ATG16L2: variants seen among roughly 807,000 people sequenced by gnomAD.
ATG16L2 encodes the protein autophagy related 16 like 2.
In ATG16L2, 77 loss-of-function variants were observed where a neutral mutation model predicts 84.7. That is an observed-to-expected ratio of 0.91 (90% CI 0.76 to 1.10). The LOEUF (loss-of-function observed/expected upper bound fraction) is 1.10, where lower values mean the gene tolerates loss of function less well. Ranked by LOEUF, ATG16L2 falls within the 50% of genes least tolerant of loss-of-function variation. ATG16L2 has a pLI of 0.00. For synonymous variants in ATG16L2, 361 were observed against 342.8 expected, an observed-to-expected ratio of 1.05 and a Z score of -0.59; for missense variants, 782 against 817.6, an observed-to-expected ratio of 0.96 and a Z score of 0.53.
chr11:72,814,490 A>G lies in ATG16L2; in HGVS notation c.45A>G (p.Lys15=). The part of the protein sequence containing the change: ...GVPGAPAARW[K]RHIVRQLRLR... The stretch of plus-strand genomic sequence containing the variant: ...CCGGTGCCCCCGCAGCGCGCTGGAA[A>G]CGCCACATCGTGCGGCAGCTGCGGC... Residue 15 remains lysine, a synonymous_variant, in exon 1 of 18, where the codon AAA becomes AAG. Transcript: ENST00000321297. 6.5e-7 allele frequency: 1 copy of G among 1,536,036 alleles called. No homozygotes were observed. Among genetic ancestry groups the G allele is most frequent in the Non-Finnish European group, 8.8e-7 (1 of 1,138,794 alleles).
intron 5 of ATG16L2, among the ~76,000 whole-genome samples, chr11:72,839,338 T>C (rs574642742): frequency 5.9e-5 from 9 of 152,326 alleles, no homozygotes; most frequent in Admixed American, 5.2e-4. Flanking sequence ...CTTTATTCTG[T>C]AGGCAAAAGA....
intron 15 of ATG16L2, 29 bp from the exon 16 acceptor site, chr11:72,828,700 G>A (rs755347275): frequency 6.9e-5 from 112 of 1,613,800 alleles, no homozygotes; most frequent in Non-Finnish European, 7.7e-5. Flanking sequence ...GATGACCTCT[G>A]TTCTGACCCC....
intron 3 of ATG16L2, chr11:72,820,262 T>G (rs1419501122): frequency 6.6e-6 from 1 of 152,200 alleles, no homozygotes; most frequent in Non-Finnish European, 1.5e-5. Context: ...ATGAAGTGTG[T>G]ATATGTCCTT....
chr11:72,840,932 C>A (rs1170293565), intron 5 of ATG16L2: 3 of 1,613,312 alleles, frequency 1.9e-6, no homozygotes, highest in South Asian at 1.1e-5. Context: ...CTGTGAGAAT[C>A]CTGGTGACTC....
chr11:72,831,397 T>C (rs1265290464), downstream of ATG16L2, among the ~76,000 whole-genome samples: 1 of 152,162 alleles, frequency 6.6e-6, no homozygotes, highest in Non-Finnish European at 1.5e-5. Flanking sequence ...TCCCAGCTAC[T>C]TGGGAGGCTG....
chr11:72,822,470 C>G lies in ATG16L2; in HGVS notation c.645-8C>G, dbSNP rs374108476. 24 of 1,613,104 alleles carry G rather than the reference C, an allele frequency of 1.5e-5. No individual in the cohort carries two copies. The African/African-American group carries it at 3.1e-4, about 21-fold the overall frequency. ...GCCAGGGTCTCAGGATGCTTTTTAC[C>G]CAACAAGGGCCAAGCAGGCGCGGGT... On this transcript the variant is annotated splice_region_variant and splice_polypyrimidine_tract_variant and intron_variant, in intron 5 of 17. Transcript: ENST00000321297. This position sits in a 1 kb window ranked among gnomAD's most constrained non-coding sequence, Gnocchi z 4.2.
At chr11:72,838,655 A>C in intron 5 of ATG16L2, 1 of 686,062 alleles carries the variant, frequency 1.5e-6, no homozygotes, top group Non-Finnish European at 2.5e-6. Flanking sequence ...CTACCAGGCC[A>C]CCCAGTCACA....
rs749316023 is a variant in ATG16L2 at position 72,824,141 on chromosome 11, G to C, written c.887+19G>C. The C allele has an allele frequency of 6.2e-7, 1 of 1,614,130 alleles. No individual in the cohort carries two copies. Among genetic ancestry groups the C allele is most frequent in the Admixed American group, 1.7e-5 (1 of 60,038 alleles). On this transcript the variant is annotated intron_variant, in intron 8 of 17. Transcript: ENST00000321297. ...TTCTGGAGTAAGTGTGTGTGTGCCT[G>C]TGTGTGCACCCACGTGTGTGTCGGG...
At chr11:72,828,558 GC>G in intron 15 of ATG16L2, 50 bp downstream of exon 15, 1 of 1,611,532 alleles carries the variant, frequency 6.2e-7, no homozygotes, top group South Asian at 1.1e-5. Flanking sequence ...GGACAGCTGA[GC>G]CTCTCTTCTC....
At chr11:72,829,068 G>C in intron 17 of ATG16L2, 84 bp downstream of exon 17, 1 of 1,417,398 alleles carries the variant, frequency 7.1e-7, no homozygotes, top group Non-Finnish European at 9.9e-7. Context: ...GGACCCTGGA[G>C]TCCCCAGCCC....
Position 72,826,304 on chromosome 11 carries a change from G to A in ATG16L2, c.1173+61G>A, listed in dbSNP as rs559391484. The stretch of plus-strand genomic sequence containing the variant: ...CCTCTCTGATCTCCACACTGGGCAG[G>A]TGGGGGCTGTGGGACCTGAGGGCGC... On this transcript the variant is annotated intron_variant, in intron 11 of 17. Coordinates refer to ENST00000321297, the MANE Select transcript of ATG16L2 (RefSeq NM_033388.2). 3.2e-6 allele frequency: 5 copies of A among 1,559,506 alleles called. No homozygotes were observed. The East Asian group carries it at 9.1e-5, about 28-fold the overall frequency.
Position 72,822,181 on chromosome 11 carries a change from G to T in ATG16L2, c.530G>T (p.Arg177Leu). ...YEALRAHVGLREAALRRLQEE... is the reference protein window; with the variant it reads ...YEALRAHVGLLEAALRRLQEE... ...GCGCTGCGCGCGCACGTCGGGCTCC[G>T]GGAGGCGGCACTGCGCAGGCTCCAG... The change falls in exon 5 of 18, where the codon CGG (arginine) becomes CTG (leucine). Residue 177 changes from arginine (R) to leucine (L), a missense_variant. Physicochemically the swap from Arg to Leu is moderately radical, Grantham distance 102 (BLOSUM62 -2). Transcript: ENST00000321297. The surrounding 1 kb of genome is among the most constrained non-coding windows in gnomAD (Gnocchi z 4.2). 1 of 1,498,852 alleles carries T rather than the reference G, an allele frequency of 6.7e-7. No homozygotes were observed. 92.8% of individuals were successfully genotyped at this position (1,498,852 alleles called of 1,614,324 possible).
chr11:72,826,219 C>T lies in ATG16L2; in HGVS notation c.1149C>T (p.Ile383=), dbSNP rs1860341697. Residue 383 remains isoleucine (I), a synonymous_variant, in exon 11 of 18, where the codon ATC becomes ATT. Coordinates refer to ENST00000321297, the MANE Select transcript of ATG16L2 (RefSeq NM_033388.2). ...NQTLEGAGGS[I]TSVDFDPSGY... ...CCCTGGAGGGAGCTGGTGGCAGCAT[C>T]ACCAGTGTGGACTTTGACCCCTCGG... The T allele has an allele frequency of 6.2e-7, 1 of 1,614,026 alleles. No homozygotes were observed. The highest frequency in any genetic ancestry group is 8.5e-7 in the Non-Finnish European group (1 of 1,179,962).
chr11:72,832,802 T>C (rs75429647), downstream of ATG16L2, among the ~76,000 whole-genome samples: 2,286 of 152,340 alleles, frequency 0.015, 56 homozygotes, highest in African/African-American at 0.052. Context: ...ATTCAGATTC[T>C]GCAAAGGGGC....
chr11:72,843,175 C>T, exon 6 of ATG16L2: 2 of 1,614,012 alleles, frequency 1.2e-6, no homozygotes, highest in Non-Finnish European at 1.7e-6. Flanking sequence ...TTGAGGCTGC[C>T]TGAAACGAGT....
chr11:72,814,652 G>T, intron 1 of ATG16L2, 89 bp downstream of exon 1: 1 of 1,099,736 alleles, frequency 9.1e-7, no homozygotes, highest in East Asian at 3.1e-5. Context: ...CTCCGCCTGT[G>T]ACCCGAGTGC....
At chr11:72,814,593 C>A (rs1389846621) in intron 1 of ATG16L2, 30 bp downstream of exon 1, 3 of 1,513,096 alleles carry the variant, frequency 2.0e-6, no homozygotes, top group South Asian at 1.2e-5. Flanking sequence ...GAGAGGATGG[C>A]GGCTGAGGGG....
intron 9 of ATG16L2, 129 bp downstream of exon 9, chr11:72,824,971 G>C: frequency 1.4e-6 from 1 of 729,968 alleles, no homozygotes; most frequent in South Asian, 1.9e-5. Context: ...AGGAGCAGGA[G>C]GCTGCCTCCC....
intron 10 of ATG16L2, among the ~76,000 whole-genome samples, chr11:72,825,727 C>G (rs1471001068): frequency 6.6e-6 from 1 of 152,146 alleles, no homozygotes; most frequent in Non-Finnish European, 1.5e-5. Flanking sequence ...GTCCCTGAGT[C>G]TACCAGGTGA....
Sources: gnomAD v4.1 joint callset for allele counts (sites outside exome capture counted in the v4.1 genomes callset) on GRCh38, gnomAD v4.1.1 for gene constraint, Gnocchi (gnomAD v3.1) non-coding constraint, MANE v1.5 for transcripts, NCBI Gene and HGNC (gene_info 2026-07-23, HGNC 2026-07-21) for gene names.